DOK1: variants seen among roughly 807,000 people sequenced by gnomAD.
The protein encoded by DOK1 is Downstream of tyrosine kinase 1.
In DOK1, 12 loss-of-function variants were observed where a neutral mutation model predicts 24.0. That is an observed-to-expected ratio of 0.50 (90% confidence interval 0.32 to 0.81). The LOEUF is 0.81. DOK1 is among the 30% of genes least tolerant of loss of function. DOK1 has a pLI of 0.03. For missense variants in DOK1, 591 were observed against 620.7 expected (o/e 0.95, Z 0.51); for synonymous variants, 250 against 260.9 (o/e 0.96, Z 0.40).
rs1319326121 is a variant in DOK1, at chr2:74,555,853, C to T, written c.455-41C>T. Reference sequence around the variant, plus strand: ...TCCTCTGGGTCCCCACTGCTGCCCCCGTCCCTCCCCCGCAGCTGTCTAATC... The same window carrying T: ...TCCTCTGGGTCCCCACTGCTGCCCCTGTCCCTCCCCCGCAGCTGTCTAATC... On this transcript the variant is annotated intron_variant, in intron 3 of 4. Coordinates refer to ENST00000233668, the MANE Select transcript of DOK1 (RefSeq NM_001381.5). This position sits in a 1 kb window ranked among gnomAD's most constrained non-coding sequence, Gnocchi z 6.1. 1.3e-6 allele frequency: 2 copies of T among 1,585,634 alleles called. No individual in the cohort carries two copies. The highest frequency in any genetic ancestry group is 1.7e-5 in the Admixed American group (1 of 57,482).
rs1479059838 is a variant in DOK1, at chr2:74,549,408, C to T, written c.-358+236C>T. 2 of 1,612,028 alleles carry T rather than the reference C, an allele frequency of 1.2e-6. No individual in the cohort carries two copies. The highest frequency in any genetic ancestry group is 2.2e-5 in the South Asian group (2 of 90,732). The stretch of plus-strand genomic sequence containing the variant: ...GTTGACCCTCTTTTCGCTGGGGAAG[C>T]CCAGCATCCCGCAGACCACGTGGCT... On this transcript the variant is annotated intron_variant, in intron 1 of 4. Coordinates refer to the DOK1 transcript ENST00000409429. The surrounding 1 kb of genome is among the most constrained non-coding windows in gnomAD (Gnocchi z 5.3).
upstream of DOK1, chr2:74,554,579 A>C (rs1677257975): frequency 4.8e-6 from 3 of 622,938 alleles, no homozygotes; most frequent in Non-Finnish European, 8.3e-6. The surrounding 1 kb of genome is among the most constrained non-coding windows in gnomAD (Gnocchi z 4.9). Context: ...GCTCCCGGCT[A>C]ATCCGGGGGT....
Position 74,556,073 on chromosome 2 carries a change from G to A in DOK1, c.634G>A (p.Asp212Asn), listed in dbSNP as rs1677439668. The A allele has an allele frequency of 6.3e-7, 1 of 1,591,858 alleles. No individual in the cohort carries two copies. The highest frequency in any genetic ancestry group is 8.6e-7 in the Non-Finnish European group (1 of 1,167,254). Residue 212 changes from aspartate (D) to asparagine (N), a missense_variant, in exon 4 of 5, where the codon GAC becomes AAC. Asp to Asn is a conservative substitution (Grantham distance 23). Transcript: ENST00000233668. This position sits in a 1 kb window ranked among gnomAD's most constrained non-coding sequence, Gnocchi z 4.1. Reference sequence around the variant, plus strand: ...CACTCTGTTGCGTCGCTATGGCCGGGACAAGGTGCAGGGGCTGTCCGGGAG... The same window carrying A: ...CACTCTGTTGCGTCGCTATGGCCGGAACAAGGTGCAGGGGCTGTCCGGGAG... ...PYTLLRRYGR[D>N]KVMFSFEAGR...
upstream of DOK1, chr2:74,554,289 C>G (rs1376455421): frequency 6.2e-6 from 1 of 161,066 alleles, no homozygotes; most frequent in African/African-American, 2.4e-5. This position sits in a 1 kb window ranked among gnomAD's most constrained non-coding sequence, Gnocchi z 4.9. Context: ...GCCCTCCCTC[C>G]GAGTCCCGGG....
upstream of DOK1, chr2:74,550,436 C>A (rs548660805): frequency 4.3e-6 from 6 of 1,393,248 alleles, no homozygotes; most frequent in Admixed American, 1.2e-4. Context: ...AGTGCTGAGG[C>A]CTCCCACTTG....
chr2:74,556,607 C>G lies in DOK1; in HGVS notation c.939C>G (p.Ser313=), dbSNP rs773780707. Residue 313 remains serine (S), a synonymous_variant, in exon 5 of 5, where the codon TCC becomes TCG. Coordinates refer to ENST00000233668, the MANE Select transcript of DOK1 (RefSeq NM_001381.5). The surrounding 1 kb of genome is among the most constrained non-coding windows in gnomAD (Gnocchi z 4.1). ...TTGCTCCATGCCCTTCCCAGGACTC[C>G]CTATACTCAGACCCCTTGGACAGCA... ...LRIAPCPSQD[S]LYSDPLDSTS... 17 of 1,614,242 alleles carry G rather than the reference C, an allele frequency of 1.1e-5. No homozygotes were observed. The highest frequency in any genetic ancestry group is 1.4e-5 in the Non-Finnish European group (16 of 1,180,032).
chr2:74,556,402 T>C lies in DOK1; in HGVS notation c.734T>C (p.Val245Ala), dbSNP rs758556997. ...CAGGGAAATGACATCTTCCAGGCAG[T>C]TGAGACTGCCATCCACCGGCAGAAG... Reference protein sequence around the residue: ...TAQGNDIFQAVETAIHRQKAQ... With the variant: ...TAQGNDIFQAAETAIHRQKAQ... Residue 245 changes from valine (V) to alanine (A), a missense_variant, in exon 5 of 5, where the codon GTT (valine) becomes GCT (alanine). Transcript: ENST00000233668. The surrounding 1 kb of genome is among the most constrained non-coding windows in gnomAD (Gnocchi z 4.1). The C allele has an allele frequency of 1.4e-5, 23 of 1,614,096 alleles. 1 individual carries two copies. Among genetic ancestry groups the C allele is most frequent in the South Asian group, 3.3e-5 (3 of 91,084 alleles).
chr2:74,551,185 C>T (rs990363118), upstream of DOK1, among the ~76,000 whole-genome samples: 1 of 152,240 alleles, frequency 6.6e-6, no homozygotes, highest in Non-Finnish European at 1.5e-5. Context: ...CCACCCACCT[C>T]AGCCTCCCAA....
rs746954818 is a variant in DOK1, at chr2:74,555,926, G to A, written c.487G>A (p.Glu163Lys). Residue 163 changes from glutamate to lysine, a missense_variant, in exon 4 of 5, where the codon GAG becomes AAG. Coordinates refer to ENST00000233668, the MANE Select transcript of DOK1 (RefSeq NM_001381.5). The surrounding 1 kb of genome is among the most constrained non-coding windows in gnomAD (Gnocchi z 6.1). The stretch of plus-strand genomic sequence containing the variant: ...ATTCTGGGTAACGGTGCAGAGGACT[G>A]AGGCCGCCGAGCGCTGTGGCCTGCA... Reference protein sequence around the residue: ...SQFWVTVQRTEAAERCGLHGS... With the variant: ...SQFWVTVQRTKAAERCGLHGS... The A allele has an allele frequency of 3.7e-6, 6 of 1,612,062 alleles. No individual in the cohort carries two copies. Among genetic ancestry groups the A allele is most frequent in the Non-Finnish European group, 5.1e-6 (6 of 1,179,058 alleles).
At chr2:74,552,853 C>T, upstream of DOK1, 1 of 540,282 alleles carries the variant, frequency 1.9e-6, no homozygotes, top group South Asian at 2.7e-5. Flanking sequence ...CATAGAGGCA[C>T]AGCCTGAGAG....
rs1048179601 is a variant in DOK1, at chr2:74,549,648, T to TAAGG, written c.-358+479_-358+482dup. The TAAGG allele has an allele frequency of 2.0e-6, 3 of 1,522,300 alleles. No individual in the cohort carries two copies. The African/African-American group carries it at 4.1e-5, about 21-fold the overall frequency. The allele number at this position is 1,522,300 out of a possible 1,614,324, so 94.3% of individuals were successfully genotyped here. ...CACCTTTCATGTGTCCCGCCGCCCT[T>TAAGG]AAGGAACCCTGCTTGGTGTGCCTGC... On this transcript the variant is annotated intron_variant, in intron 1 of 4. Transcript: ENST00000409429. The surrounding 1 kb of genome is among the most constrained non-coding windows in gnomAD (Gnocchi z 5.3).
In DOK1 at chr2:74,556,864, A is replaced by C. The variant is rs774847698; in HGVS notation, c.1196A>C (p.Glu399Ala). The C allele has an allele frequency of 6.2e-7, 1 of 1,614,054 alleles. No homozygotes were observed. The highest frequency in any genetic ancestry group is 8.5e-7 in the Non-Finnish European group (1 of 1,180,012). ...CQARVKEEGY[E>A]LPYNPATDDY... The stretch of plus-strand genomic sequence containing the variant: ...GCTCGGGTGAAGGAGGAGGGCTATG[A>C]GCTCCCCTACAACCCTGCCACTGAT... Residue 399 changes from glutamate (E) to alanine (A), a missense_variant, in exon 5 of 5, where the codon GAG becomes GCG. Transcript: ENST00000233668. This position sits in a 1 kb window ranked among gnomAD's most constrained non-coding sequence, Gnocchi z 4.1.
chr2:74,550,160 G>A, upstream of DOK1: 1 of 1,606,304 alleles, frequency 6.2e-7, no homozygotes, highest in Admixed American at 1.7e-5. Flanking sequence ...GGTAGTGTGT[G>A]TGTGTATGTC....
chr2:74,552,757 G>T, upstream of DOK1: 1 of 910,116 alleles, frequency 1.1e-6, no homozygotes, highest in Non-Finnish European at 1.6e-6. Flanking sequence ...GTAAGACAGA[G>T]ACAGCGAGAG....
upstream of DOK1, among the ~76,000 whole-genome samples, chr2:74,552,065 G>C (rs1055377499): frequency 6.6e-6 from 1 of 152,186 alleles, no homozygotes; most frequent in Admixed American, 6.5e-5. Context: ...TCATACTTTT[G>C]CAGCAGAAAA....
At chr2:74,550,399 G>A, upstream of DOK1, 1 of 1,574,480 alleles carries the variant, frequency 6.4e-7, no homozygotes, top group Non-Finnish European at 8.7e-7. Flanking sequence ...GGAGGATGGG[G>A]GAGTAATGGG....
upstream of DOK1, chr2:74,552,925 T>G: frequency 7.8e-6 from 3 of 386,336 alleles, no homozygotes; most frequent in South Asian, 6.1e-5. Context: ...TAAAAAGAGA[T>G]AGAGACTGAG....
Position 74,555,845 on chromosome 2 carries a change from G to A in DOK1, c.455-49G>A. 1.3e-6 allele frequency: 2 copies of A among 1,584,210 alleles called. No individual in the cohort carries two copies. The highest frequency in any genetic ancestry group is 1.7e-6 in the Non-Finnish European group (2 of 1,164,066). On this transcript the variant is annotated intron_variant, in intron 3 of 4. Coordinates refer to ENST00000233668, the MANE Select transcript of DOK1 (RefSeq NM_001381.5). This position sits in a 1 kb window ranked among gnomAD's most constrained non-coding sequence, Gnocchi z 6.1. ...CTCATGAGTCCTCTGGGTCCCCACT[G>A]CTGCCCCCGTCCCTCCCCCGCAGCT...
upstream of DOK1, among the ~76,000 whole-genome samples, chr2:74,551,107 A>G (rs1468212857): frequency 6.6e-6 from 1 of 152,018 alleles, no homozygotes; most frequent in Admixed American, 6.6e-5. Context: ...TAATTTTTGT[A>G]TTTGTAGTAG....
Sources: gnomAD v4.1 joint callset for allele counts (sites outside exome capture counted in the v4.1 genomes callset) on GRCh38, gnomAD v4.1.1 for gene constraint, Gnocchi (gnomAD v3.1) non-coding constraint, MANE v1.5 for transcripts, NCBI Gene and HGNC (gene_info 2026-07-23, HGNC 2026-07-21) for gene names.